The following SRPK2 variants were observed in gnomAD, a reference collection of about 807,000 sequenced individuals.
SRPK2 encodes SFRS protein kinase 2.
Under a neutral mutation model 90.8 loss-of-function variants are expected in SRPK2, and 21 were observed. The observed-to-expected ratio is 0.23, with a 90% CI of 0.16 to 0.33. The LOEUF is 0.33. Among genes scored for constraint, SRPK2 ranks in the 10% least tolerant of loss-of-function variants. SRPK2 has a pLI of 1.00. For missense variants in SRPK2, 620 were observed against 869.0 expected, an observed-to-expected ratio of 0.71 and a Z score of 3.60; for synonymous variants, 288 against 311.1, an observed-to-expected ratio of 0.93 and a Z score of 0.78.
chr7:105,154,903 G>GAC (rs1229817197), intron 7 of SRPK2, among the ~76,000 whole-genome samples: 1 of 151,950 alleles, frequency 6.6e-6, no homozygotes, highest in East Asian at 1.9e-4. Context: ...TAGAACTCCT[G>GAC]ACCTCATGAT....
At chr7:105,137,513 G>A (rs750137347) in intron 11 of SRPK2, among the ~76,000 whole-genome samples, 1 of 152,190 alleles carries the variant, frequency 6.6e-6, no homozygotes, top group Non-Finnish European at 1.5e-5. Flanking sequence ...AGGACTGACA[G>A]TGGTGTGGGT....
At chr7:105,206,165 C>A (rs1796215431) in intron 2 of SRPK2, among the ~76,000 whole-genome samples, 2 of 152,182 alleles carry the variant, frequency 1.3e-5, no homozygotes, top group Non-Finnish European at 2.9e-5. Context: ...CCCCACCACC[C>A]AGCTGTGGCC....
At chr7:105,250,569 T>C (rs1802351342) in intron 2 of SRPK2, among the ~76,000 whole-genome samples, 1 of 152,152 alleles carries the variant, frequency 6.6e-6, no homozygotes, top group African/African-American at 2.4e-5. Context: ...CTAATAGGGA[T>C]TTTTAAGTTC....
chr7:105,359,755 T>C (rs1245994291), intron 2 of SRPK2, among the ~76,000 whole-genome samples: 1 of 152,194 alleles, frequency 6.6e-6, no homozygotes, highest in Non-Finnish European at 1.5e-5. Context: ...CCCACCTTTT[T>C]TGCCATATCT....
intron 2 of SRPK2, among the ~76,000 whole-genome samples, chr7:105,297,045 A>G (rs1039182165): frequency 6.6e-6 from 1 of 152,178 alleles, no homozygotes; most frequent in Non-Finnish European, 1.5e-5. Flanking sequence ...ATTACAAACT[A>G]GACACTAAGA....
intron 2 of SRPK2, among the ~76,000 whole-genome samples, chr7:105,371,001 T>G (rs1819630064): frequency 6.6e-6 from 1 of 152,192 alleles, no homozygotes; most frequent in African/African-American, 2.4e-5. Context: ...TAACAAAACA[T>G]GGACATATAC....
At chr7:105,203,922 A>G in intron 2 of SRPK2, 137 bp from the exon 3 acceptor site, 1 of 1,132,464 alleles carries the variant, frequency 8.8e-7, no homozygotes, top group Non-Finnish European at 1.2e-6. Flanking sequence ...ATGTCACTTC[A>G]CCCATTTTAG....
At chr7:105,216,501 A>T (rs1329244394) in intron 2 of SRPK2, among the ~76,000 whole-genome samples, 2 of 152,182 alleles carry the variant, frequency 1.3e-5, no homozygotes, top group South Asian at 4.1e-4. Context: ...AAAAAATACA[A>T]GTATTAGCAG....
intron 2 of SRPK2, among the ~76,000 whole-genome samples, chr7:105,327,488 A>G (rs1314720512): frequency 6.6e-6 from 1 of 152,190 alleles, no homozygotes; most frequent in Non-Finnish European, 1.5e-5. Flanking sequence ...ACCTCTGGCC[A>G]GCATCCTGAC....
chr7:105,370,586 G>C (rs1819577803), intron 2 of SRPK2, among the ~76,000 whole-genome samples: 1 of 150,788 alleles, frequency 6.6e-6, no homozygotes, highest in South Asian at 2.1e-4. Context: ...GAACTGACAA[G>C]CCAATTTTTT....
chr7:105,328,865 CAAAAAAAA>C (rs527900668), intron 2 of SRPK2, among the ~76,000 whole-genome samples: 3 of 64,220 alleles, frequency 4.7e-5, no homozygotes, highest in Non-Finnish European at 9.6e-5. Context: ...ACTCTGTCTC[CAAAAAAAA>C]AAAAAAAAAA....
At chr7:105,218,860 T>C (rs1345262313) in intron 2 of SRPK2, among the ~76,000 whole-genome samples, 1 of 151,330 alleles carries the variant, frequency 6.6e-6, no homozygotes, top group African/African-American at 2.4e-5. Context: ...TTCTCCTTCG[T>C]AGTTGAAAAG....
intron 3 of SRPK2, among the ~76,000 whole-genome samples, chr7:105,170,991 GAA>G (rs1491119020): frequency 1.1e-4 from 13 of 123,292 alleles, no homozygotes; most frequent in Non-Finnish European, 1.8e-4. Flanking sequence ...AAGAAAGAAA[GAA>G]AGAGAAAGAA....
intron 2 of SRPK2, among the ~76,000 whole-genome samples, chr7:105,381,602 C>G (rs1343982107): frequency 6.6e-6 from 1 of 152,214 alleles, no homozygotes; most frequent in African/African-American, 2.4e-5. Context: ...TCTTACTCTT[C>G]TAGCATCCAA....
At chr7:105,188,540 T>C (rs988370820) in intron 3 of SRPK2, among the ~76,000 whole-genome samples, 1 of 152,222 alleles carries the variant, frequency 6.6e-6, no homozygotes, top group African/African-American at 2.4e-5. Context: ...ATGTTTTCAA[T>C]TACTGCTTCC....
intron 2 of SRPK2, among the ~76,000 whole-genome samples, chr7:105,331,040 G>A (rs140171039): frequency 6.1e-4 from 93 of 151,772 alleles, no homozygotes; most frequent in African/African-American, 2.2e-3. Flanking sequence ...GATGGCTCAC[G>A]CCTATAATCC....
chr7:105,316,094 G>A (rs555559165), intron 2 of SRPK2, among the ~76,000 whole-genome samples: 105 of 147,368 alleles, frequency 7.1e-4, no homozygotes, highest in African/African-American at 2.1e-3. Flanking sequence ...GCGCGATCTC[G>A]GCTCACTGCA....
intron 2 of SRPK2, chr7:105,244,783 C>A: frequency 1.0e-6 from 1 of 977,952 alleles, no homozygotes; most frequent in Non-Finnish European, 1.7e-6. Context: ...GGGACATGAT[C>A]CCGGAGGCAT....
intron 2 of SRPK2, chr7:105,301,928 C>A (rs1282452388): frequency 6.2e-7 from 1 of 1,609,226 alleles, no homozygotes; most frequent in East Asian, 2.2e-5. Flanking sequence ...TAATACAGCC[C>A]CATCAAGTAA....
Sources: gnomAD v4.1 joint callset for allele counts (sites outside exome capture counted in the v4.1 genomes callset) on GRCh38, gnomAD v4.1.1 for gene constraint, MANE v1.5 for transcripts, NCBI Gene and HGNC (gene_info 2026-07-23, HGNC 2026-07-21) for gene names.